Variants in MALRD1 observed in about 807,000 individuals in gnomAD.
The protein encoded by MALRD1 is MAM and LDL receptor class A domain containing 1.
MALRD1 carries 247 observed loss-of-function variants against 242.1 expected under a neutral mutation model. The observed-to-expected ratio is 1.02, with a 90% CI of 0.92 to 1.13. MALRD1 has a LOEUF of 1.13. Among genes scored for constraint, MALRD1 ranks in the 50% most tolerant of loss-of-function variants. The pLI, the probability that MALRD1 is intolerant of heterozygous loss-of-function variation, is 0.00. For missense variants in MALRD1, 2,989 were observed against 2,533.1 expected (o/e 1.18, Z -3.86); for synonymous variants, 995 against 866.6 (o/e 1.15, Z -2.60).
At chr10:19,259,629 G>T (rs1839660706) in intron 19 of MALRD1, among the ~76,000 whole-genome samples, 1 of 152,014 alleles carries the variant, frequency 6.6e-6, no homozygotes, top group African/African-American at 2.4e-5. Context: ...CATGACATTT[G>T]GGAATTATAG....
chr10:19,363,409 G>T (rs1265407514), intron 26 of MALRD1, among the ~76,000 whole-genome samples: 3 of 152,120 alleles, frequency 2.0e-5, no homozygotes, highest in Non-Finnish European at 2.9e-5. Flanking sequence ...AAAAGAAAAT[G>T]AGTATTACCC....
intron 31 of MALRD1, among the ~76,000 whole-genome samples, chr10:19,517,259 CT>C (rs2131305878): frequency 6.6e-6 from 1 of 152,246 alleles, no homozygotes; most frequent in South Asian, 2.1e-4. Flanking sequence ...CCCTTAAGTA[CT>C]TTCTCCAGTA....
chr10:19,297,575 CT>C (rs1841766206), intron 21 of MALRD1, among the ~76,000 whole-genome samples: 1 of 151,642 alleles, frequency 6.6e-6, no homozygotes, highest in South Asian at 2.1e-4. Context: ...CATACCCTGC[CT>C]CATAAATGTA....
At chr10:19,719,219 C>CATATATATATATATATATATAT (rs1290415118) in intron 38 of MALRD1, among the ~76,000 whole-genome samples, 1 of 30,308 alleles carries the variant, frequency 3.3e-5, no homozygotes, top group African/African-American at 7.3e-5. Flanking sequence ...TATACACATA[C>CATATATATATATATATATATAT]ATACATATAT....
chr10:19,422,311 T>C lies in MALRD1; in HGVS notation c.4846-27996T>C, dbSNP rs569402856. 2.0e-5 allele frequency among the ~76,000 whole-genome samples: 3 copies of C among 152,300 alleles called. No homozygotes were observed. In the East Asian group the frequency reaches 5.8e-4, roughly 29 times the overall value. On this transcript the variant is annotated intron_variant, in intron 28 of 39. Transcript: ENST00000454679. ...AACACAGTAATCAATGTATGAGAAA[T>C]ACATTTCAAACAAAACAATAACAAA...
At chr10:19,671,427 G>A (rs1031679323) in intron 36 of MALRD1, among the ~76,000 whole-genome samples, 8 of 152,060 alleles carry the variant, frequency 5.3e-5, no homozygotes, top group Non-Finnish European at 8.8e-5. Context: ...AGACCAGCCC[G>A]ACCAACATGG....
At position 19,104,015 on chromosome 10, in the gene MALRD1, C is replaced by T. The variant is rs1233660467; in HGVS notation, c.634C>T (p.Gln212Ter). Residue 212 changes from glutamine (Q) to a stop codon, truncating the protein, a stop_gained, in exon 5 of 40, where the codon CAG becomes TAG. Coordinates refer to ENST00000454679, the MANE Select transcript of MALRD1 (RefSeq NM_001142308.3). LOFTEE classifies it high-confidence loss of function. Reference protein sequence around the residue: ...FEGQMASTYEQDEVIAIDDIS... With the variant: ...FEGQMASTYE ...AGGTCAAATGGCTTCAACGTATGAA[C>T]AGGATGAAGTCATTGCTATTGATGA... 1.6e-6 allele frequency: 2 copies of T among 1,233,654 alleles called. No homozygotes were observed. The highest frequency in any genetic ancestry group is 2.0e-6 in the Non-Finnish European group (2 of 988,082). 76.4% of individuals were successfully genotyped at this position (1,233,654 alleles called of 1,614,324 possible). A position where few individuals can be genotyped will look rare whatever the true frequency, so the allele number is the denominator to read the frequency against.
chr10:19,255,851 C>G (rs1323251590), intron 18 of MALRD1, among the ~76,000 whole-genome samples: 2 of 151,934 alleles, frequency 1.3e-5, no homozygotes, highest in Non-Finnish European at 2.9e-5. Context: ...AGGAAAAATG[C>G]CTTGAGCAAA....
At chr10:19,295,308 GTCTT>G (rs757490438) in intron 21 of MALRD1, among the ~76,000 whole-genome samples, 18 of 152,122 alleles carry the variant, frequency 1.2e-4, no homozygotes, top group Admixed American at 5.9e-4. Flanking sequence ...TGAGATGTCT[GTCTT>G]TCTATGTGCT....
chr10:19,718,896 G>A (rs1834549959), intron 38 of MALRD1, among the ~76,000 whole-genome samples: 2 of 151,738 alleles, frequency 1.3e-5, no homozygotes, highest in South Asian at 4.2e-4. Context: ...GCCAGGCATG[G>A]TGGCTCATGC....
intron 36 of MALRD1, among the ~76,000 whole-genome samples, chr10:19,651,728 T>A (rs1840903164): frequency 6.6e-6 from 1 of 152,148 alleles, no homozygotes. Context: ...AACATCTCAC[T>A]GTAAAAGACA....
intron 1 of MALRD1, among the ~76,000 whole-genome samples, chr10:19,055,420 A>G (rs77486504): frequency 0.047 from 7,205 of 152,138 alleles, 489 homozygotes; most frequent in African/African-American, 0.15. Context: ...TCCTATTTGT[A>G]TATTTTTGCT....
In MALRD1 at chr10:19,626,185, G is replaced by A. The variant is rs114441836; in HGVS notation, c.6137+10262G>A. Among the ~76,000 whole-genome samples, 642 of 151,988 alleles carry A rather than the reference G, an allele frequency of 4.2e-3. 2 individuals carry two copies. Among genetic ancestry groups the A allele is most frequent in the African/African-American group, 0.015 (616 of 41,468 alleles). On this transcript the variant is annotated intron_variant, in intron 36 of 39. Transcript: ENST00000454679. ...AAGAATAGGCATAAAAGTTGAATAC[G>A]TTGGTGGACATAGGAGAAATCTAAA...
intron 11 of MALRD1, among the ~76,000 whole-genome samples, chr10:19,147,239 C>G (rs1236569292): frequency 6.6e-6 from 1 of 152,152 alleles, no homozygotes; most frequent in South Asian, 2.1e-4. Context: ...TTTCTTCTTT[C>G]AGACTTCCAA....
In MALRD1 at chr10:19,204,339, C is replaced by T. The variant is rs1246205868; in HGVS notation, c.2136C>T (p.Ser712=). ...TTATGTTCATTCTGAAGAAAAGCAG[C>T]AGCTTGTGGCAAGTTGCTAAGCTTC... ...GHFMFILKKS[S]SLWQVAKLQS... The change falls in exon 16 of 40, where the codon AGC becomes AGT. Residue 712 remains serine (S), a synonymous_variant. Transcript: ENST00000454679. The T allele has an allele frequency of 5.2e-6, 8 of 1,543,190 alleles. No individual in the cohort carries two copies. The highest frequency in any genetic ancestry group is 7.0e-6 in the Non-Finnish European group (8 of 1,144,246).
intron 4 of MALRD1, among the ~76,000 whole-genome samples, chr10:19,096,922 A>T (rs1836059794): frequency 1.3e-5 from 2 of 152,190 alleles, no homozygotes; most frequent in Non-Finnish European, 2.9e-5. Flanking sequence ...TCTGTGAAGG[A>T]CTAGGTCTCT....
chr10:19,238,261 ATATT>A lies in MALRD1; in HGVS notation c.2992-19422_2992-19419del, dbSNP rs1403002231. Among the ~76,000 whole-genome samples the A allele has an allele frequency of 1.2e-4, 8 of 67,482 alleles. 1 individual carries two copies. The highest frequency in any genetic ancestry group is 5.0e-4 in the African/African-American group (8 of 16,016). The allele number at this position is 67,482 out of a possible 152,430, so 44.3% of individuals were successfully genotyped here. A position where few individuals can be genotyped will look rare whatever the true frequency, so the allele number is the denominator to read the frequency against. ...ATATAATATGTAATATACATAATAT[ATATT>A]ATATATAATATGTAATATACATAAT... On this transcript the variant is annotated intron_variant, in intron 18 of 39. Coordinates refer to ENST00000454679, the MANE Select transcript of MALRD1 (RefSeq NM_001142308.3).
chr10:19,231,932 T>G (rs1472466849), intron 18 of MALRD1, among the ~76,000 whole-genome samples: 2 of 152,158 alleles, frequency 1.3e-5, no homozygotes, highest in Admixed American at 6.5e-5. Context: ...ATTTAATATT[T>G]TATACATGTC....
chr10:19,583,104 CA>C (rs1837213047), intron 33 of MALRD1, among the ~76,000 whole-genome samples: 1 of 100,532 alleles, frequency 9.9e-6, no homozygotes. Flanking sequence ...AGTTGCTTAT[CA>C]GCTTAAGGAG....
Sources: gnomAD v4.1 joint callset for allele counts (sites outside exome capture counted in the v4.1 genomes callset) on GRCh38, gnomAD v4.1.1 for gene constraint, MANE v1.5 for transcripts, NCBI Gene and HGNC (gene_info 2026-07-23, HGNC 2026-07-21) for gene names.